The following NOVA1 variants were observed in gnomAD, a reference collection of about 807,000 sequenced individuals.
NOVA1 encodes NOVA alternative splicing regulator 1, also known as RNA-binding protein Nova-1.
Under a neutral mutation model 38.0 loss-of-function variants are expected in NOVA1, and 7 were observed. The observed-to-expected ratio is 0.18, with a 90% CI of 0.10 to 0.35. The LOEUF is 0.35. Ranked by LOEUF, NOVA1 falls within the 10% of genes least tolerant of loss-of-function variation. NOVA1 has a pLI of 1.00. For missense variants in NOVA1, 460 were observed against 616.0 expected (o/e 0.75, Z 2.68); for synonymous variants, 270 against 232.5 (o/e 1.16, Z -1.47).
intron 2 of NOVA1, among the ~76,000 whole-genome samples, chr14:26,527,512 T>TAAAAA (rs764586575): frequency 7.6e-6 from 1 of 131,950 alleles, no homozygotes; most frequent in Non-Finnish European, 1.7e-5. Context: ...AACAAACAAA[T>TAAAAA]AAAAAAAAAA....
At chr14:26,537,895 A>T (rs959815982) in intron 2 of NOVA1, among the ~76,000 whole-genome samples, 3 of 152,216 alleles carry the variant, frequency 2.0e-5, no homozygotes, top group Admixed American at 2.0e-4. Context: ...TCCTCTATGG[A>T]TATGACATTT....
At chr14:26,590,102 AACCT>A (rs1264901911) in intron 2 of NOVA1, among the ~76,000 whole-genome samples, 1 of 151,882 alleles carries the variant, frequency 6.6e-6, no homozygotes. Context: ...AGTGACAACT[AACCT>A]CTTCTCTCTA....
chr14:26,452,348 T>C (rs140571332), intron 4 of NOVA1, among the ~76,000 whole-genome samples: 1 of 152,302 alleles, frequency 6.6e-6, no homozygotes, highest in African/African-American at 2.4e-5. Context: ...GTTTTATATT[T>C]ACATTTTAAG....
intron 2 of NOVA1, among the ~76,000 whole-genome samples, chr14:26,492,724 TG>T (rs1158831780): frequency 1.3e-5 from 2 of 152,090 alleles, no homozygotes; most frequent in African/African-American, 4.8e-5. Flanking sequence ...TCCCAACACT[TG>T]GGAGGCCGAG....
At chr14:26,483,992 A>T (rs1488360508) in intron 2 of NOVA1, among the ~76,000 whole-genome samples, 1 of 151,232 alleles carries the variant, frequency 6.6e-6, no homozygotes, top group Non-Finnish European at 1.5e-5. Flanking sequence ...AGAAAGTGTC[A>T]TTTTTTTTTC....
At position 26,447,737 on chromosome 14, in the gene NOVA1, A is replaced by G; in HGVS notation, c.*222T>C. ...AGAAACACCTCTGACAAATATACAC[A>G]AGCAAAGTATAGAGAACAAAACAGA... On this transcript the variant is annotated 3_prime_UTR_variant, in exon 5 of 5. Coordinates refer to ENST00000539517, the MANE Select transcript of NOVA1 (RefSeq NM_002515.3). 1.8e-6 allele frequency: 1 copy of G among 558,564 alleles called. No individual in the cohort carries two copies. Among genetic ancestry groups the G allele is most frequent in the Admixed American group, 3.2e-5 (1 of 31,710 alleles). The allele number at this position is 558,564 out of a possible 1,614,324, so 34.6% of individuals were successfully genotyped here.
At chr14:26,597,201 G>T (rs1955479181) in intron 1 of NOVA1, 100 bp downstream of exon 1, 1 of 1,087,050 alleles carries the variant, frequency 9.2e-7, no homozygotes, top group Non-Finnish European at 1.2e-6. Context: ...TCCGGGCCGC[G>T]GGAGGGAGGG....
intron 4 of NOVA1, among the ~76,000 whole-genome samples, chr14:26,457,951 C>T (rs178221): frequency 0.96 from 145,488 of 152,130 alleles, 69,896 homozygotes; most frequent in East Asian, 1. Flanking sequence ...AGTTTTAAAA[C>T]TAAAACAAAA....
chr14:26,506,369 C>T (rs1188667405), intron 2 of NOVA1, among the ~76,000 whole-genome samples: 1 of 152,150 alleles, frequency 6.6e-6, no homozygotes, highest in Non-Finnish European at 1.5e-5. Context: ...AAATTCAACC[C>T]TAGTAAGACA....
chr14:26,459,010 T>A (rs373266255), intron 4 of NOVA1, among the ~76,000 whole-genome samples: 2 of 152,056 alleles, frequency 1.3e-5, no homozygotes, highest in Admixed American at 1.3e-4. Context: ...TTTTATACAA[T>A]TAGTGTGCCC....
intron 1 of NOVA1, chr14:26,596,520 C>T (rs1323253149): frequency 2.3e-6 from 3 of 1,281,084 alleles, no homozygotes; most frequent in African/African-American, 1.5e-5. Flanking sequence ...TTGTGGTGTG[C>T]CACTCAAAAG....
chr14:26,511,518 A>C (rs543624735), intron 2 of NOVA1, among the ~76,000 whole-genome samples: 1 of 152,172 alleles, frequency 6.6e-6, no homozygotes, highest in Non-Finnish European at 1.5e-5. Flanking sequence ...CTGTAATCCC[A>C]GCACTATGGG....
chr14:26,471,582 G>A (rs1368321258), intron 4 of NOVA1, among the ~76,000 whole-genome samples: 1 of 151,552 alleles, frequency 6.6e-6, no homozygotes, highest in Non-Finnish European at 1.5e-5. Flanking sequence ...AGTACAGTAT[G>A]GCTCTGAATT....
At chr14:26,466,726 A>G (rs1419838430) in intron 4 of NOVA1, among the ~76,000 whole-genome samples, 2 of 152,108 alleles carry the variant, frequency 1.3e-5, no homozygotes, top group South Asian at 2.1e-4. Flanking sequence ...GCCTTTTGGG[A>G]GGTGTTTAAT....
intron 3 of NOVA1, among the ~76,000 whole-genome samples, chr14:26,474,244 C>T (rs542773935): frequency 2.9e-4 from 44 of 151,994 alleles, no homozygotes; most frequent in African/African-American, 1.0e-3. Context: ...TACAGAAGCA[C>T]GATTCTATGT....
chr14:26,472,267 T>TGCAG (rs1316148251), intron 4 of NOVA1, 53 bp downstream of exon 4: 1 of 1,059,878 alleles, frequency 9.4e-7, no homozygotes, highest in Non-Finnish European at 1.5e-6. Flanking sequence ...TTCTCCAGTT[T>TGCAG]GCAGGCAATC....
intron 2 of NOVA1, among the ~76,000 whole-genome samples, chr14:26,529,468 C>T (rs1889544329): frequency 1.3e-5 from 2 of 152,070 alleles, no homozygotes; most frequent in African/African-American, 4.8e-5. Flanking sequence ...GAATTGTTAC[C>T]TGATATGGGA....
intron 2 of NOVA1, among the ~76,000 whole-genome samples, chr14:26,497,069 A>G (rs929038937): frequency 7.2e-5 from 11 of 152,124 alleles, no homozygotes; most frequent in Non-Finnish European, 1.3e-4. Context: ...CACTGAATCT[A>G]TATAAGCTGA....
chr14:26,450,252 G>A (rs1348453453), intron 4 of NOVA1, among the ~76,000 whole-genome samples: 1 of 152,098 alleles, frequency 6.6e-6, no homozygotes, highest in African/African-American at 2.4e-5. Flanking sequence ...AAACACAAAT[G>A]TGGATAAGAA....
Sources: allele counts gnomAD v4.1 joint callset (sites outside exome capture counted in the v4.1 genomes callset), GRCh38; gene constraint gnomAD v4.1.1; transcripts MANE v1.5; gene names NCBI Gene and HGNC (gene_info 2026-07-23, HGNC 2026-07-21).